N4BP2: variants seen among roughly 807,000 people sequenced by gnomAD.
N4BP2 encodes NEDD4 binding protein 2.
Under a neutral mutation model 152.8 loss-of-function variants are expected in N4BP2, and 91 were observed. The observed-to-expected ratio is 0.60, with a 90% CI of 0.50 to 0.71. The LOEUF is 0.71. N4BP2 is among the 30% of genes least tolerant of loss of function. The probability of loss-of-function intolerance (pLI) is 0.00; values close to 1 mark genes in which losing one functional copy is unlikely to be tolerated. For missense variants in N4BP2, 1,923 were observed against 2,059.1 expected (o/e 0.93, Z 1.28); for synonymous variants, 646 against 705.3 (o/e 0.92, Z 1.33).
chr4:40,160,224 A>G (rs1721821922), downstream of N4BP2, among the ~76,000 whole-genome samples: 1 of 152,226 alleles, frequency 6.6e-6, no homozygotes, highest in African/African-American at 2.4e-5. Context: ...AATGGCAGGA[A>G]GTACATTAGT....
In N4BP2 at chr4:40,154,469, ATATG is replaced by A. The variant is rs376941283; in HGVS notation, c.*235_*238del. ...ACAGAGAAATTTTATTGATTACAAA[ATATG>A]TAAGAAAATTATCAGCTACAGTTTT... On this transcript the variant is annotated 3_prime_UTR_variant, in exon 18 of 18. Coordinates refer to ENST00000261435, the MANE Select transcript of N4BP2 (RefSeq NM_018177.6). 1 of 409,358 alleles carries A rather than the reference ATATG, an allele frequency of 2.4e-6. No homozygotes were observed. The highest frequency in any genetic ancestry group is 2.1e-5 in the African/African-American group (1 of 47,432). 25.4% of individuals were successfully genotyped at this position (409,358 alleles called of 1,614,324 possible). A position where few individuals can be genotyped will look rare whatever the true frequency, so the allele number is the denominator to read the frequency against.
At chr4:40,077,694 TC>T (rs1420248657) in intron 2 of N4BP2, among the ~76,000 whole-genome samples, 27 of 152,116 alleles carry the variant, frequency 1.8e-4, no homozygotes, top group African/African-American at 2.4e-5. Flanking sequence ...CCTCAAGTGA[TC>T]CGTCCACTTC....
the N4BP2 span, among the ~76,000 whole-genome samples, chr4:40,181,520 C>T: frequency 1.3e-5 from 2 of 152,156 alleles, no homozygotes; most frequent in Admixed American, 6.6e-5. Flanking sequence ...GTAGGTGCTC[C>T]AAGGCTGGTA....
intron 1 of N4BP2, among the ~76,000 whole-genome samples, chr4:40,062,910 T>TA (rs1295620726): frequency 5.3e-5 from 8 of 152,226 alleles, no homozygotes; most frequent in African/African-American, 1.9e-4. Flanking sequence ...GTTCTTTTAT[T>TA]ACATTGTGAT....
At chr4:40,098,263 G>T (rs1715281637) in intron 3 of N4BP2, among the ~76,000 whole-genome samples, 1 of 152,166 alleles carries the variant, frequency 6.6e-6, no homozygotes, top group African/African-American at 2.4e-5. Flanking sequence ...CAAGAAACGT[G>T]GGTTGGATTT....
At chr4:40,080,310 GTATA>G (rs140955860) in intron 2 of N4BP2, among the ~76,000 whole-genome samples, 1 of 147,042 alleles carries the variant, frequency 6.8e-6, no homozygotes, top group African/African-American at 2.5e-5. Flanking sequence ...AGTGTGAGCT[GTATA>G]TATATATATA....
intron 2 of N4BP2, among the ~76,000 whole-genome samples, chr4:40,084,180 A>C (rs1430689439): frequency 6.6e-6 from 1 of 152,130 alleles, no homozygotes; most frequent in Non-Finnish European, 1.5e-5. Flanking sequence ...TGAACCCCTG[A>C]CCTCAGGTAA....
chr4:40,074,088 T>G (rs957996650), intron 2 of N4BP2, among the ~76,000 whole-genome samples: 1 of 148,214 alleles, frequency 6.7e-6, no homozygotes, highest in African/African-American at 2.5e-5. Context: ...CACCGAGCCC[T>G]GCTTGTTTTT....
chr4:40,093,790 G>T (rs1463822099), intron 2 of N4BP2, among the ~76,000 whole-genome samples: 2 of 152,006 alleles, frequency 1.3e-5, no homozygotes, highest in African/African-American at 2.4e-5. Context: ...AGTAGAGACG[G>T]GGTTTCACCA....
intron 10 of N4BP2, 97 bp from the exon 11 acceptor site, chr4:40,124,063 G>A (rs1718174798): frequency 3.5e-6 from 3 of 864,014 alleles, no homozygotes; most frequent in South Asian, 1.5e-5. Context: ...AGTTATACAA[G>A]GAGAAATGAT....
At chr4:40,190,126 A>T in the N4BP2 span, among the ~76,000 whole-genome samples, 8 of 152,112 alleles carry the variant, frequency 5.3e-5, no homozygotes, top group Non-Finnish European at 1.2e-4. Context: ...AACATATTCT[A>T]CTACTAGAGT....
At chr4:40,080,310 G>GTATATA (rs140955860) in intron 2 of N4BP2, among the ~76,000 whole-genome samples, 1,654 of 147,074 alleles carry the variant, frequency 0.011, 20 homozygotes, top group African/African-American at 0.033. Context: ...AGTGTGAGCT[G>GTATATA]TATATATATA....
chr4:40,092,895 C>G lies in N4BP2; in HGVS notation c.-114-4332C>G, dbSNP rs564440921. ...CTGACCTCAGGTGATCCACCCACCT[C>G]AGCCTCCCAAAGTGCTGGGATTACA... On this transcript the variant is annotated intron_variant, in intron 2 of 17. Coordinates refer to ENST00000261435, the MANE Select transcript of N4BP2 (RefSeq NM_018177.6). 8.6e-5 allele frequency among the ~76,000 whole-genome samples: 13 copies of G among 151,706 alleles called. 1 individual carries two copies. Among genetic ancestry groups the G allele is most frequent in the Admixed American group, 8.6e-4 (13 of 15,186 alleles).
chr4:40,075,578 A>G (rs1189619897), intron 2 of N4BP2, among the ~76,000 whole-genome samples: 1 of 151,924 alleles, frequency 6.6e-6, no homozygotes, highest in Admixed American at 6.6e-5. Flanking sequence ...TTGTATTTTT[A>G]GTAGAGATGG....
At chr4:40,171,791 A>ACT in the N4BP2 span, among the ~76,000 whole-genome samples, 4 of 152,358 alleles carry the variant, frequency 2.6e-5, no homozygotes, top group Middle Eastern at 3.4e-3. Context: ...CTGACAGTGC[A>ACT]GCCTTCTGTC....
chr4:40,129,864 C>T (rs377207956), intron 12 of N4BP2, among the ~76,000 whole-genome samples: 1 of 152,002 alleles, frequency 6.6e-6, no homozygotes, highest in East Asian at 1.9e-4. Flanking sequence ...TAACTTTAGA[C>T]ATAATATATG....
At chr4:40,065,310 G>A (rs956589416) in intron 1 of N4BP2, among the ~76,000 whole-genome samples, 1 of 152,208 alleles carries the variant, frequency 6.6e-6, no homozygotes, top group African/African-American at 2.4e-5. Flanking sequence ...GGTTTGAAGT[G>A]CCCATGGAAT....
chr4:40,108,504 C>T lies in N4BP2; in HGVS notation c.1498+1480C>T, dbSNP rs566728420. On this transcript the variant is annotated intron_variant, in intron 5 of 17. Transcript: ENST00000261435. ...CTAATTTTTGTATTTTTAGTAGAGA[C>T]GGGATTTCACCATGTTGGCCAGGCT... Among the ~76,000 whole-genome samples the T allele has an allele frequency of 3.3e-5, 5 of 151,716 alleles. No homozygotes were observed. In the South Asian group the frequency reaches 1.0e-3, roughly 32 times the overall value.
intron 1 of N4BP2, among the ~76,000 whole-genome samples, chr4:40,063,243 G>C (rs1733797779): frequency 6.6e-6 from 1 of 152,106 alleles, no homozygotes; most frequent in Non-Finnish European, 1.5e-5. Flanking sequence ...AAAAGTTATT[G>C]GTTCATATGA....
Sources: gnomAD v4.1 joint callset for allele counts (sites outside exome capture counted in the v4.1 genomes callset) on GRCh38, gnomAD v4.1.1 for gene constraint, MANE v1.5 for transcripts, NCBI Gene and HGNC (gene_info 2026-07-23, HGNC 2026-07-21) for gene names.